The following RAB2A variants were observed in gnomAD, a reference collection of about 807,000 sequenced individuals.
The protein encoded by RAB2A is ras-related protein Rab-2A.
In RAB2A, 7 loss-of-function variants were observed where a neutral mutation model predicts 32.5. The observed-to-expected ratio is 0.22, with a 90% CI of 0.12 to 0.40. The LOEUF is 0.40. Among genes scored for constraint, RAB2A ranks in the 10% least tolerant of loss-of-function variants. The pLI is 1.00. For synonymous variants in RAB2A, 79 were observed against 85.2 expected (o/e 0.93, Z 0.40); for missense variants, 108 against 260.7 (o/e 0.41, Z 4.03).
At chr8:60,616,742 A>C (rs2150439196) in intron 6 of RAB2A, among the ~76,000 whole-genome samples, 1 of 152,286 alleles carries the variant, frequency 6.6e-6, no homozygotes, top group East Asian at 1.9e-4. Flanking sequence ...AGCCACTTAG[A>C]GTTTATGCAT....
chr8:60,619,040 T>C (rs545534488), intron 7 of RAB2A: 3 of 152,334 alleles, frequency 2.0e-5, no homozygotes, highest in East Asian at 3.9e-4. Context: ...TATGTACTAA[T>C]GCAAGATGCT....
intron 1 of RAB2A, among the ~76,000 whole-genome samples, chr8:60,527,437 C>T (rs1807409768): frequency 6.6e-6 from 1 of 151,994 alleles, no homozygotes; most frequent in Non-Finnish European, 1.5e-5. Flanking sequence ...AGGAAAATTA[C>T]AATCATGGCA....
At chr8:60,541,586 G>C (rs1807646150) in intron 1 of RAB2A, among the ~76,000 whole-genome samples, 1 of 152,150 alleles carries the variant, frequency 6.6e-6, no homozygotes, top group Admixed American at 6.5e-5. Context: ...CTACTCAGCA[G>C]GCTGAGGCAG....
intron 5 of RAB2A, among the ~76,000 whole-genome samples, chr8:60,589,102 G>A (rs1013239054): frequency 6.6e-6 from 1 of 152,102 alleles, no homozygotes; most frequent in Non-Finnish European, 1.5e-5. Context: ...GTCATTCAAG[G>A]TATGAAATAA....
intron 1 of RAB2A, among the ~76,000 whole-genome samples, chr8:60,556,641 TAAA>T (rs11393857): frequency 2.1e-4 from 22 of 106,596 alleles, no homozygotes; most frequent in South Asian, 1.1e-3. Flanking sequence ...CTCTTTTTAA[TAAA>T]AAAAAAAAAA....
chr8:60,558,544 C>T (rs1276476150), intron 1 of RAB2A: 15 of 499,514 alleles, frequency 3.0e-5, no homozygotes, highest in Non-Finnish European at 5.5e-5. Context: ...TGCACAAAAA[C>T]AGTACTGTAG....
chr8:60,574,877 C>T (rs747221339), intron 3 of RAB2A, among the ~76,000 whole-genome samples: 3 of 152,092 alleles, frequency 2.0e-5, no homozygotes, highest in Admixed American at 1.3e-4. Flanking sequence ...GTTTTCTTTC[C>T]TCTATTTCTG....
At chr8:60,607,370 A>G (rs1804250878) in intron 6 of RAB2A, among the ~76,000 whole-genome samples, 1 of 140,776 alleles carries the variant, frequency 7.1e-6, no homozygotes, top group African/African-American at 2.8e-5. Flanking sequence ...TGGAGCTTGC[A>G]GTGAGCCGAG....
chr8:60,550,602 G>T (rs1273504516), intron 1 of RAB2A, among the ~76,000 whole-genome samples: 1 of 151,948 alleles, frequency 6.6e-6, no homozygotes, highest in Non-Finnish European at 1.5e-5. Context: ...GTCCAGGCTG[G>T]TCTTGAACTC....
chr8:60,569,508 T>C (rs1586088411), intron 2 of RAB2A, among the ~76,000 whole-genome samples: 1 of 152,258 alleles, frequency 6.6e-6, no homozygotes, highest in East Asian at 1.9e-4. Context: ...ACTTTATTAA[T>C]TGTTTTTATT....
intron 3 of RAB2A, among the ~76,000 whole-genome samples, chr8:60,581,061 C>T (rs1011173634): frequency 6.6e-6 from 1 of 152,142 alleles, no homozygotes; most frequent in Non-Finnish European, 1.5e-5. Context: ...GATGCTAACA[C>T]CCTCAGTAGA....
At chr8:60,606,077 A>G (rs549556078) in intron 6 of RAB2A, among the ~76,000 whole-genome samples, 1 of 152,214 alleles carries the variant, frequency 6.6e-6, no homozygotes, top group Admixed American at 6.5e-5. Flanking sequence ...TGAATCAGGG[A>G]GGCGGAAGTT....
rs1369064195 is a variant in RAB2A at position 60,587,027 on chromosome 8, T to G, written c.362+2212T>G. Among the ~76,000 whole-genome samples, 3 of 152,076 alleles carry G rather than the reference T, an allele frequency of 2.0e-5. No individual in the cohort carries two copies. The East Asian group carries it at 5.8e-4, about 29-fold the overall frequency. ...GGAGGGTAGATATTGACAAGCTGACTTTAAAGTTTATGTGCAAAGGCCACG... is the reference window on the plus strand; with the variant it reads ...GGAGGGTAGATATTGACAAGCTGACGTTAAAGTTTATGTGCAAAGGCCACG... On this transcript the variant is annotated intron_variant, in intron 5 of 7. Transcript: ENST00000262646.
intron 3 of RAB2A, among the ~76,000 whole-genome samples, chr8:60,576,606 C>G (rs972399644): frequency 6.6e-6 from 1 of 152,172 alleles, no homozygotes; most frequent in Non-Finnish European, 1.5e-5. Context: ...AAATCACAGG[C>G]ATTTTTTTTC....
intron 1 of RAB2A, among the ~76,000 whole-genome samples, chr8:60,546,093 A>G (rs1222657816): frequency 6.6e-6 from 1 of 152,202 alleles, no homozygotes; most frequent in Admixed American, 6.5e-5. Flanking sequence ...AGTAATTGTC[A>G]TTTCAGAGAT....
intron 6 of RAB2A, among the ~76,000 whole-genome samples, chr8:60,599,583 C>CATAG (rs1250833195): frequency 6.6e-6 from 1 of 152,144 alleles, no homozygotes; most frequent in South Asian, 2.1e-4. Flanking sequence ...GGGATAGACA[C>CATAG]ATAGATCAAT....
At chr8:60,532,583 T>C (rs1467055895) in intron 1 of RAB2A, among the ~76,000 whole-genome samples, 1 of 152,186 alleles carries the variant, frequency 6.6e-6, no homozygotes, top group Non-Finnish European at 1.5e-5. Flanking sequence ...TAGTCTCAGC[T>C]CACTGCAACC....
intron 3 of RAB2A, among the ~76,000 whole-genome samples, chr8:60,579,346 C>T (rs1419528549): frequency 1.3e-5 from 2 of 151,986 alleles, no homozygotes; most frequent in African/African-American, 4.8e-5. Flanking sequence ...CCCAGCTAAT[C>T]CTGTGGATTT....
Position 60,517,203 on chromosome 8 carries a change from C to CGGCCAT in RAB2A, c.-1_5dup. ...CGTGTGCCCTGGCACTGAGCGGCCG[C>CGGCCAT]GGCCATGGCGTACGCCTATCTCTTC... On this transcript the variant is annotated 5_prime_UTR_variant, in exon 1 of 8. The change creates a new upstream start codon in the 5' untranslated region. Coordinates refer to ENST00000262646, the MANE Select transcript of RAB2A (RefSeq NM_002865.3). 1 of 1,488,498 alleles carries CGGCCAT rather than the reference C, an allele frequency of 6.7e-7. No homozygotes were observed. The highest frequency in any genetic ancestry group is 1.3e-5 in the South Asian group (1 of 78,054). 92.2% of individuals were successfully genotyped at this position (1,488,498 alleles called of 1,614,324 possible). A position where few individuals can be genotyped will look rare whatever the true frequency, so the allele number is the denominator to read the frequency against.
Sources: allele counts gnomAD v4.1 joint callset (sites outside exome capture counted in the v4.1 genomes callset), GRCh38; gene constraint gnomAD v4.1.1; transcripts MANE v1.5; gene names NCBI Gene and HGNC (gene_info 2026-07-23, HGNC 2026-07-21).